ZNF180: variants seen among roughly 807,000 people sequenced by gnomAD.
The protein encoded by ZNF180 is zinc finger protein 180 (HHZ168).
Under a neutral mutation model 11.8 loss-of-function variants are expected in ZNF180, and 11 were observed. That is an observed-to-expected ratio of 0.93 (90% confidence interval 0.59 to 1.55). The LOEUF (loss-of-function observed/expected upper bound fraction) is 1.55, where lower values mean the gene tolerates loss of function less well. Among genes scored for constraint, ZNF180 ranks in the 40% most tolerant of loss-of-function variants. The pLI is 0.00. For synonymous variants in ZNF180, 287 were observed against 257.7 expected, an observed-to-expected ratio of 1.11 and a Z score of -1.09; for missense variants, 773 against 781.7, an observed-to-expected ratio of 0.99 and a Z score of 0.13.
At chr19:44,499,983 C>G (rs1367273023) in intron 1 of ZNF180, among the ~76,000 whole-genome samples, 2 of 152,180 alleles carry the variant, frequency 1.3e-5, no homozygotes, top group Non-Finnish European at 2.9e-5. Context: ...GAGGGGAGTT[C>G]TCAAGATGTC....
chr19:44,500,495 CCG>C lies in ZNF180; in HGVS notation c.-266_-265del. The C allele has an allele frequency of 1.8e-6, 1 of 547,388 alleles. No individual in the cohort carries two copies. The highest frequency in any genetic ancestry group is 3.0e-5 in the East Asian group (1 of 32,876). 33.9% of individuals were successfully genotyped at this position (547,388 alleles called of 1,614,324 possible). On this transcript the variant is annotated 5_prime_UTR_variant, in exon 1 of 5. Transcript: ENST00000592529. ...CGAGCTGCTCGGCGACAGCAAGCGT[CCG>C]CGCGCGGGACAATGGCTGCTCTTGT...
chr19:44,490,710 T>C (rs907209308), intron 2 of ZNF180, among the ~76,000 whole-genome samples: 1 of 152,242 alleles, frequency 6.6e-6, no homozygotes, highest in African/African-American at 2.4e-5. Flanking sequence ...CTTAATGTTT[T>C]TCTCAGCAGG....
intron 1 of ZNF180, 129 bp downstream of exon 1, chr19:44,500,146 C>A (rs1970708409): frequency 1.2e-6 from 2 of 1,613,722 alleles, no homozygotes; most frequent in Non-Finnish European, 8.5e-7. Context: ...CCCCGGTGAC[C>A]CGAGGCTAAA....
Position 44,477,017 on chromosome 19 carries a change from A to C in ZNF180, c.1383T>G (p.Thr461=). The part of the protein sequence containing the change: ...YKLIAHQRIH[T]GEKPYECNQC... ...GATTGCATTCATAGGGTTTTTCCCC[A>C]GTATGAATTCTTTGATGTGCAATAA... Residue 461 remains threonine, a synonymous_variant, in exon 5 of 5, where the codon ACT becomes ACG. Coordinates refer to ENST00000592529, the MANE Select transcript of ZNF180 (RefSeq NM_001278509.3). 6.2e-7 allele frequency: 1 copy of C among 1,614,186 alleles called. No individual in the cohort carries two copies.
intron 2 of ZNF180, chr19:44,485,182 A>AG (rs1970196575): frequency 8.0e-6 from 1 of 125,280 alleles, no homozygotes; most frequent in African/African-American, 2.8e-5. Flanking sequence ...AAAAAAAAAA[A>AG]AAGTCTAGCA....
intron 1 of ZNF180, 140 bp from the exon 2 acceptor site, chr19:44,497,517 T>G (rs1970622319): frequency 1.2e-6 from 1 of 811,740 alleles, no homozygotes; most frequent in Non-Finnish European, 1.9e-6. Flanking sequence ...GCCAGCTTCC[T>G]GCCCAAATAC....
chr19:44,492,435 T>C (rs771954294), intron 2 of ZNF180, among the ~76,000 whole-genome samples: 8 of 152,242 alleles, frequency 5.3e-5, no homozygotes, highest in African/African-American at 9.6e-5. Context: ...TTTCCCTTTT[T>C]CTTTGCAGAC....
At chr19:44,489,862 A>T (rs1039197740) in intron 2 of ZNF180, among the ~76,000 whole-genome samples, 2 of 146,198 alleles carry the variant, frequency 1.4e-5, no homozygotes, top group East Asian at 4.0e-4. Flanking sequence ...GAGAAGAACA[A>T]GAAAGAAAGA....
intron 2 of ZNF180, among the ~76,000 whole-genome samples, chr19:44,492,927 G>A (rs185748374): frequency 3.9e-5 from 6 of 152,280 alleles, no homozygotes; most frequent in East Asian, 3.9e-4. Context: ...GGGATATGGC[G>A]TCCACAGGGC....
At chr19:44,480,909 AG>A (rs1970061820) in intron 3 of ZNF180, among the ~76,000 whole-genome samples, 1 of 152,192 alleles carries the variant, frequency 6.6e-6, no homozygotes, top group Non-Finnish European at 1.5e-5. Context: ...AGTAGGTCTC[AG>A]GATCCTCAAA....
rs1381315955 is a variant in ZNF180 at position 44,490,064 on chromosome 19, G to T, written c.52-5629C>A. ...AGGGAAGGGAAGGGAAAGAGGGAAA[G>T]GAAGGGAAAGAAAGAGGGAAGGGAA... On this transcript the variant is annotated intron_variant, in intron 2 of 4. Transcript: ENST00000592529. Among the ~76,000 whole-genome samples, 1,116 of 119,212 alleles carry T rather than the reference G, an allele frequency of 9.4e-3. 7 individuals are homozygous for T. The highest frequency in any genetic ancestry group is 0.014 in the Admixed American group (148 of 10,226). The allele number at this position is 119,212 out of a possible 152,430, so 78.2% of individuals were successfully genotyped here.
intron 1 of ZNF180, 91 bp downstream of exon 1, chr19:44,500,184 C>G: frequency 6.2e-7 from 1 of 1,614,156 alleles, no homozygotes; most frequent in Non-Finnish European, 8.5e-7. Context: ...ACCAGGTCTC[C>G]CCGCTACACT....
rs758030797 is a variant in ZNF180, at chr19:44,484,380, G to A, written c.107C>T (p.Ser36Phe). ...IIKVEGEDTG[S>F]LTIPSQEGVN... ...ACCTACCTGAGATGGGATGGTCAGA[G>A]ACCCAGTGTCTTCTCCCTCGACTTT... The change falls in exon 3 of 5, where the codon TCT becomes TTT. Residue 36 changes from serine to phenylalanine, a missense_variant. Ser to Phe is a radical substitution (Grantham distance 155). Transcript: ENST00000592529. 1 of 1,613,846 alleles carries A rather than the reference G, an allele frequency of 6.2e-7. No homozygotes were observed. Among genetic ancestry groups the A allele is most frequent in the Non-Finnish European group, 8.5e-7 (1 of 1,179,770 alleles).
intron 4 of ZNF180, 31 bp downstream of exon 4, chr19:44,479,251 TG>T: frequency 6.2e-7 from 1 of 1,600,136 alleles, no homozygotes; most frequent in South Asian, 1.1e-5. Context: ...TTTCAGTAGA[TG>T]GATCTTCATT....
chr19:44,488,215 G>A (rs1308825028), intron 2 of ZNF180, among the ~76,000 whole-genome samples: 1 of 30,690 alleles, frequency 3.3e-5, no homozygotes, highest in African/African-American at 1.5e-4. Flanking sequence ...CTCTTTCCAC[G>A]GTCTCCCTCT....
rs553683554 is a variant in ZNF180 at position 44,475,317 on chromosome 19, A to C, written c.*1085T>G. 6.6e-6 allele frequency: 1 copy of C among 152,348 alleles called. No individual in the cohort carries two copies. Among genetic ancestry groups the C allele is most frequent in the East Asian group, 1.9e-4 (1 of 5,192 alleles). 9.4% of individuals were successfully genotyped at this position (152,348 alleles called of 1,614,324 possible). A position where few individuals can be genotyped will look rare whatever the true frequency, so the allele number is the denominator to read the frequency against. On this transcript the variant is annotated 3_prime_UTR_variant, in exon 5 of 5. Transcript: ENST00000592529. ...GAACATATCCCAGAGGAAAGAGACA[A>C]TGCTACATGAGGGGAAGAACTAAAA...
chr19:44,493,398 G>A (rs1053499848), intron 2 of ZNF180, among the ~76,000 whole-genome samples: 2 of 152,200 alleles, frequency 1.3e-5, no homozygotes, highest in Non-Finnish European at 2.9e-5. Flanking sequence ...CAGCTCACTG[G>A]ACTCGTGGCC....
intron 2 of ZNF180, among the ~76,000 whole-genome samples, chr19:44,488,918 C>G (rs1402344007): frequency 6.6e-6 from 1 of 151,316 alleles, no homozygotes; most frequent in Non-Finnish European, 1.5e-5. Flanking sequence ...CTGGCAACCG[C>G]CCCGTCTGAG....
intron 2 of ZNF180, among the ~76,000 whole-genome samples, chr19:44,486,701 C>T (rs571692996): frequency 1.3e-5 from 2 of 152,182 alleles, no homozygotes; most frequent in South Asian, 2.1e-4. Flanking sequence ...CCCAGGAGTT[C>T]GAGCCCAGCC....
Sources: allele counts gnomAD v4.1 joint callset (sites outside exome capture counted in the v4.1 genomes callset), GRCh38; gene constraint gnomAD v4.1.1; transcripts MANE v1.5; gene names NCBI Gene and HGNC (gene_info 2026-07-23, HGNC 2026-07-21).